Variants in SOS2 observed in about 807,000 individuals in gnomAD.
SOS2 encodes SOS Ras/Rho guanine nucleotide exchange factor 2.
In SOS2, 65 loss-of-function variants were observed where a neutral mutation model predicts 148.2. That is an observed-to-expected ratio of 0.44 (90% CI 0.36 to 0.54). The LOEUF (loss-of-function observed/expected upper bound fraction) is 0.54. Among genes scored for constraint, SOS2 ranks in the 20% least tolerant of loss-of-function variants. SOS2 has a pLI of 0.00. For missense variants in SOS2, 1,341 were observed against 1,590.2 expected, an observed-to-expected ratio of 0.84 and a Z score of 2.67; for synonymous variants, 539 against 537.1, an observed-to-expected ratio of 1.00 and a Z score of -0.05.
chr14:50,226,013 C>CT (rs398099349), intron 1 of SOS2, among the ~76,000 whole-genome samples: 1 of 151,900 alleles, frequency 6.6e-6, no homozygotes, highest in South Asian at 2.1e-4. Flanking sequence ...CCTTCCCCCC[C>CT]GCCCTTTTTT....
chr14:50,156,799 G>C (rs1594978288), intron 12 of SOS2, 200 bp downstream of exon 12: 1 of 288,218 alleles, frequency 3.5e-6, no homozygotes, highest in African/African-American at 2.2e-5. Flanking sequence ...AATTTCTTCA[G>C]GGTATTTAAG....
intron 4 of SOS2, among the ~76,000 whole-genome samples, chr14:50,190,334 T>C (rs1272106862): frequency 6.6e-6 from 1 of 152,106 alleles, no homozygotes; most frequent in Admixed American, 6.5e-5. Context: ...GACAACACAA[T>C]AACAGATATT....
intron 5 of SOS2, among the ~76,000 whole-genome samples, chr14:50,183,230 A>T (rs1199934700): frequency 2.6e-5 from 4 of 152,254 alleles, no homozygotes; most frequent in Non-Finnish European, 5.9e-5. Flanking sequence ...AGAAACTATT[A>T]ATAGTTTAGT....
chr14:50,123,806 TAAAC>T (rs528349124), intron 21 of SOS2, among the ~76,000 whole-genome samples: 2 of 152,312 alleles, frequency 1.3e-5, no homozygotes, highest in South Asian at 2.1e-4. Flanking sequence ...CTTACTGTAA[TAAAC>T]AAGGTAAAAG....
chr14:50,203,861 C>T (rs1886582455), intron 2 of SOS2, among the ~76,000 whole-genome samples: 1 of 150,258 alleles, frequency 6.7e-6, no homozygotes, highest in Admixed American at 6.7e-5. Context: ...CAGGTGTGAG[C>T]CACCGCACCT....
intron 8 of SOS2, among the ~76,000 whole-genome samples, chr14:50,161,974 C>T (rs1349007773): frequency 1.3e-5 from 2 of 151,762 alleles, no homozygotes; most frequent in Non-Finnish European, 2.9e-5. Context: ...TGGTCTTGAA[C>T]ACCTGCTCAA....
rs1159351313 is a variant in SOS2 at position 50,160,082 on chromosome 14, G to T, written c.1201C>A (p.Pro401Thr). ...TGGTGACTATAAAAAGGGCAAACAG[G>T]ATCTCTAGAAAAAACAAACAATATA... ...QYSPRRRPGD[P>T]VCPFYSHQLR... The change falls in exon 10 of 23, where the codon CCT becomes ACT. Residue 401 changes from proline (P) to threonine (T), a missense_variant. Pro to Thr is a conservative substitution (Grantham distance 38). Around this residue, in one of 4 missense-constraint regions of SOS2, gnomAD observed 574 missense variants for 711.1 expected, o/e 0.81. Coordinates refer to ENST00000216373, the MANE Select transcript of SOS2 (RefSeq NM_006939.4). 2 of 1,606,140 alleles carry T rather than the reference G, an allele frequency of 1.2e-6. No homozygotes were observed. Among genetic ancestry groups the T allele is most frequent in the Non-Finnish European group, 1.7e-6 (2 of 1,176,356 alleles).
chr14:50,189,157 T>C (rs993873500), intron 4 of SOS2, among the ~76,000 whole-genome samples: 1 of 148,562 alleles, frequency 6.7e-6, no homozygotes, highest in Non-Finnish European at 1.5e-5. Context: ...ATTTATATGA[T>C]AAAACCTAGA....
intron 8 of SOS2, among the ~76,000 whole-genome samples, chr14:50,164,346 G>T (rs1373805981): frequency 2.0e-5 from 3 of 152,002 alleles, no homozygotes; most frequent in African/African-American, 4.8e-5. Flanking sequence ...AGGCTGAGGT[G>T]AGAGGATGAC....
At chr14:50,176,585 T>C (rs1348312056) in intron 7 of SOS2, among the ~76,000 whole-genome samples, 1 of 152,248 alleles carries the variant, frequency 6.6e-6, no homozygotes, top group Non-Finnish European at 1.5e-5. Flanking sequence ...TCAAACATTA[T>C]GCTTATGCTT....
At chr14:50,137,096 T>G (rs1884105362) in intron 18 of SOS2, among the ~76,000 whole-genome samples, 2 of 152,340 alleles carry the variant, frequency 1.3e-5, no homozygotes, top group South Asian at 2.1e-4. Flanking sequence ...GTAAACTTAT[T>G]CTGGTTGATA....
chr14:50,188,607 G>T lies in SOS2; in HGVS notation c.604C>A (p.Leu202Ile). 1 of 1,609,510 alleles carries T rather than the reference G, an allele frequency of 6.2e-7. No individual in the cohort carries two copies. The change falls in exon 5 of 23, where the codon CTT (leucine) becomes ATT (isoleucine). Residue 202 changes from leucine to isoleucine, a missense_variant. This residue lies in a region of SOS2 where 574 missense variants were observed against 711.1 expected (regional missense o/e 0.81). Coordinates refer to ENST00000216373, the MANE Select transcript of SOS2 (RefSeq NM_006939.4). ...SSSGELNYYD[L>I]VRTEIAEERQ... The stretch of plus-strand genomic sequence containing the variant: ...TCTTCTGCGATTTCAGTTCTGACAA[G>T]ATCATAGTAGTTTAATTCACCAGAA...
rs374477701 is a variant in SOS2 at position 50,227,243 on chromosome 14, C to CTTTTTTTTT, written c.87+3953_87+3954insAAAAAAAAA. On this transcript the variant is annotated intron_variant, in intron 1 of 22. Transcript: ENST00000216373. ...TCTCTGTGTTTCTTTTTCTTTCTTT[C>CTTTTTTTTT]TTTCTTTTTTTTTTTTTTTGAGACA... Among the ~76,000 whole-genome samples the CTTTTTTTTT allele has an allele frequency of 6.6e-4, 74 of 112,634 alleles. 1 individual carries two copies. The highest frequency in any genetic ancestry group is 9.2e-4 in the Non-Finnish European group (53 of 57,808). 73.9% of individuals were successfully genotyped at this position (112,634 alleles called of 152,430 possible). A position where few individuals can be genotyped will look rare whatever the true frequency, so the allele number is the denominator to read the frequency against.
chr14:50,119,049 A>C (rs996331160), intron 22 of SOS2, among the ~76,000 whole-genome samples, 196 bp from the exon 23 acceptor site: 2 of 152,118 alleles, frequency 1.3e-5, no homozygotes, highest in African/African-American at 4.8e-5. Context: ...GAGATGTTTT[A>C]ATTTAAGTCT....
chr14:50,231,552 C>T lies in SOS2; in HGVS notation c.-269G>A, dbSNP rs570191060. ...CCGGGCGACCCCGGGCGGCGACCTC[C>T]TTTCCCGGCGGCGCTGGCCCGCTTC... On this transcript the variant is annotated 5_prime_UTR_variant, in exon 1 of 23. Transcript: ENST00000216373. The T allele has an allele frequency of 0.011, 1,714 of 152,360 alleles. 18 individuals are homozygous for T. The highest frequency in any genetic ancestry group is 0.018 in the Non-Finnish European group (1,240 of 67,960). 9.4% of individuals were successfully genotyped at this position (152,360 alleles called of 1,614,324 possible).
chr14:50,126,246 A>C (rs1326148777), intron 21 of SOS2, among the ~76,000 whole-genome samples: 1 of 152,208 alleles, frequency 6.6e-6, no homozygotes, highest in Non-Finnish European at 1.5e-5. Flanking sequence ...TACTGTAATT[A>C]TTCATCATCT....
rs1442952733 is a variant in SOS2 at position 50,130,891 on chromosome 14, C to T, written c.3076-129G>A. On this transcript the variant is annotated intron_variant, in intron 19 of 22. Transcript: ENST00000216373. ...GTTCTTAAGCGTGCAGTCCTTCAGT[C>T]TGCAATGACAGCCTGTATCATTCTA... is the stretch of plus-strand genomic sequence containing the variant. 7.4e-6 allele frequency: 5 copies of T among 676,202 alleles called. No homozygotes were observed. The African/African-American group carries it at 9.1e-5, about 12-fold the overall frequency. The allele number at this position is 676,202 out of a possible 1,614,324, so 41.9% of individuals were successfully genotyped here. A position where few individuals can be genotyped will look rare whatever the true frequency, so the allele number is the denominator to read the frequency against.
chr14:50,173,966 T>A (rs539411805), intron 8 of SOS2, among the ~76,000 whole-genome samples: 10 of 152,176 alleles, frequency 6.6e-5, no homozygotes, highest in East Asian at 3.9e-4. Context: ...CCATATAATT[T>A]AAAAAAAATT....
At chr14:50,136,624 C>G (rs150470340) in intron 18 of SOS2, among the ~76,000 whole-genome samples, 2 of 148,238 alleles carry the variant, frequency 1.3e-5, no homozygotes, top group African/African-American at 5.0e-5. Flanking sequence ...CAGTCTCGCT[C>G]TGTCACCTAG....
Sources: allele counts gnomAD v4.1 joint callset (sites outside exome capture counted in the v4.1 genomes callset), GRCh38; gene constraint gnomAD v4.1.1; regional missense constraint gnomAD v4.1.1; transcripts MANE v1.5; gene names NCBI Gene and HGNC (gene_info 2026-07-23, HGNC 2026-07-21).